The following WWC1 variants were observed in gnomAD, a reference collection of about 807,000 sequenced individuals.
WWC1 encodes the protein protein KIBRA.
WWC1 carries 55 observed loss-of-function variants against 138.4 expected under a neutral mutation model. The observed-to-expected ratio is 0.40, with a 90% confidence interval of 0.32 to 0.50. WWC1 has a LOEUF of 0.50. WWC1 is among the 20% of genes least tolerant of loss of function. The pLI is 0.72. For synonymous variants in WWC1, 524 were observed against 564.9 expected (o/e 0.93, Z 1.03); for missense variants, 1,226 against 1,420.4 (o/e 0.86, Z 2.20).
chr5:168,341,552 G>A (rs1774036946), intron 1 of WWC1, among the ~76,000 whole-genome samples: 1 of 152,076 alleles, frequency 6.6e-6, no homozygotes, highest in Non-Finnish European at 1.5e-5. Context: ...TCCCATCCCT[G>A]CCTCTCATTT....
intron 16 of WWC1, among the ~76,000 whole-genome samples, chr5:168,443,150 G>C (rs951564471): frequency 6.6e-6 from 1 of 152,148 alleles, no homozygotes; most frequent in African/African-American, 2.4e-5. Flanking sequence ...TCTCTGTAAC[G>C]GTTGTTCCCT....
At chr5:168,431,157 T>G in intron 14 of WWC1, 95 bp from the exon 15 acceptor site, 1 of 1,115,614 alleles carries the variant, frequency 9.0e-7, no homozygotes, top group Non-Finnish European at 1.3e-6. Flanking sequence ...TCATCCACTG[T>G]TGTTTGCTTA....
At chr5:168,367,000 G>A (rs1428790423) in intron 1 of WWC1, among the ~76,000 whole-genome samples, 2 of 151,630 alleles carry the variant, frequency 1.3e-5, no homozygotes, top group Non-Finnish European at 2.9e-5. Context: ...GTTTCACCAT[G>A]TTTGCCAGGC....
At chr5:168,419,992 G>T (rs955169295) in intron 9 of WWC1, among the ~76,000 whole-genome samples, 3 of 152,138 alleles carry the variant, frequency 2.0e-5, no homozygotes, top group Non-Finnish European at 4.4e-5. Context: ...GTGACATTCC[G>T]TCACATCCAC....
At chr5:168,447,874 T>G (rs1755423822) in intron 17 of WWC1, among the ~76,000 whole-genome samples, 1 of 151,776 alleles carries the variant, frequency 6.6e-6, no homozygotes, top group African/African-American at 2.4e-5. Context: ...TCTCTGCCTC[T>G]CTCTCTCTTT....
intron 1 of WWC1, among the ~76,000 whole-genome samples, chr5:168,319,994 T>C (rs1035816471): frequency 6.6e-6 from 1 of 152,100 alleles, no homozygotes; most frequent in African/African-American, 2.4e-5. Flanking sequence ...TTGGTTTGCA[T>C]TTCCCTAGTG....
chr5:168,453,546 A>ATT (rs1403072607), intron 17 of WWC1, among the ~76,000 whole-genome samples: 3 of 151,002 alleles, frequency 2.0e-5, no homozygotes, highest in African/African-American at 7.3e-5. Context: ...CTCATTAACA[A>ATT]TCTTTTTTTT....
chr5:168,313,844 A>G (rs1328726075), intron 1 of WWC1, among the ~76,000 whole-genome samples: 4 of 152,224 alleles, frequency 2.6e-5, no homozygotes, highest in Non-Finnish European at 5.9e-5. Flanking sequence ...TATAAATACT[A>G]TCTAGAGAAA....
chr5:168,315,240 C>G (rs1771475874), intron 1 of WWC1, among the ~76,000 whole-genome samples: 1 of 151,336 alleles, frequency 6.6e-6, no homozygotes, highest in Middle Eastern at 3.2e-3. Flanking sequence ...AGACTTCCTG[C>G]TTTAGACTCC....
chr5:168,410,349 G>A (rs1192048125), intron 8 of WWC1, among the ~76,000 whole-genome samples: 2 of 152,176 alleles, frequency 1.3e-5, no homozygotes, highest in African/African-American at 2.4e-5. Flanking sequence ...TTCAGCAACA[G>A]GCTAAAAAGA....
intron 15 of WWC1, among the ~76,000 whole-genome samples, chr5:168,435,456 G>T (rs1203739125): frequency 6.6e-6 from 1 of 152,116 alleles, no homozygotes; most frequent in South Asian, 2.1e-4. Flanking sequence ...TGTTGCCCAG[G>T]CTGGAGTGCA....
chr5:168,422,370 T>C (rs1414819845), intron 10 of WWC1, among the ~76,000 whole-genome samples: 1 of 152,202 alleles, frequency 6.6e-6, no homozygotes, highest in Non-Finnish European at 1.5e-5. Flanking sequence ...GGCTCACACC[T>C]GTAATCCCAG....
intron 1 of WWC1, among the ~76,000 whole-genome samples, chr5:168,344,173 AC>A (rs1335119699): frequency 6.6e-6 from 1 of 152,168 alleles, no homozygotes; most frequent in Non-Finnish European, 1.5e-5. Context: ...TTGCTTGTAT[AC>A]CTTGGACTGT....
At chr5:168,408,962 C>G (rs1751574404) in intron 7 of WWC1, among the ~76,000 whole-genome samples, 1 of 152,130 alleles carries the variant, frequency 6.6e-6, no homozygotes, top group African/African-American at 2.4e-5. Flanking sequence ...ATGTCTTTCT[C>G]TGGTTTTTTT....
Position 168,292,650 on chromosome 5 carries a change from C to G in WWC1, c.119+379C>G, listed in dbSNP as rs529789915. Among the ~76,000 whole-genome samples the G allele has an allele frequency of 3.4e-5, 5 of 149,074 alleles. No homozygotes were observed. Among genetic ancestry groups the G allele is most frequent in the African/African-American group, 1.2e-4 (5 of 40,726 alleles). On this transcript the variant is annotated intron_variant, in intron 1 of 22. Coordinates refer to ENST00000265293, the MANE Select transcript of WWC1 (RefSeq NM_015238.3). This position sits in a 1 kb window ranked among gnomAD's most constrained non-coding sequence, Gnocchi z 4.4. ...CTAGCCGGGTGAAGCCGGGTCTTCC[C>G]GGGGAGGCTTCCACCCAGCGTGGGG...
intron 1 of WWC1, among the ~76,000 whole-genome samples, chr5:168,339,080 A>G (rs74712009): frequency 0.018 from 2,805 of 152,312 alleles, 40 homozygotes; most frequent in South Asian, 0.055. Context: ...GTGTATTCTA[A>G]AAATATGTAC....
At chr5:168,293,252 C>T (rs1769229073) in intron 1 of WWC1, among the ~76,000 whole-genome samples, 1 of 152,178 alleles carries the variant, frequency 6.6e-6, no homozygotes, top group Non-Finnish European at 1.5e-5. Context: ...AGTCCCCGGA[C>T]CACGATGTTG....
chr5:168,386,637 C>T (rs534450731), intron 3 of WWC1, among the ~76,000 whole-genome samples: 14 of 151,882 alleles, frequency 9.2e-5, no homozygotes, highest in African/African-American at 2.9e-4. Flanking sequence ...CCTCGTGATG[C>T]GCCTGCCTCA....
At chr5:168,449,487 A>G (rs1755597059) in intron 17 of WWC1, among the ~76,000 whole-genome samples, 1 of 152,040 alleles carries the variant, frequency 6.6e-6, no homozygotes, top group Admixed American at 6.5e-5. Context: ...TGAGCCCTCA[A>G]TAAATACTGG....
Sources: gnomAD v4.1 joint callset for allele counts (sites outside exome capture counted in the v4.1 genomes callset) on GRCh38, gnomAD v4.1.1 for gene constraint, Gnocchi (gnomAD v3.1) non-coding constraint, MANE v1.5 for transcripts, NCBI Gene and HGNC (gene_info 2026-07-23, HGNC 2026-07-21) for gene names.